PHF24: variants seen among roughly 807,000 people sequenced by gnomAD.
PHF24 encodes Galpha inhibitory interacting protein.
A neutral mutation model predicts 42.6 loss-of-function variants in PHF24; 25 were observed. That is an observed-to-expected ratio of 0.59 (90% confidence interval 0.43 to 0.82). The LOEUF is 0.82. PHF24 is among the 40% of genes least tolerant of loss of function. The pLI is 0.00. For missense variants in PHF24, 470 were observed against 538.1 expected, an observed-to-expected ratio of 0.87 and a Z score of 1.25; for synonymous variants, 185 against 204.8, an observed-to-expected ratio of 0.90 and a Z score of 0.83.
At chr9:34,810,045 G>C in the PHF24 span, among the ~76,000 whole-genome samples, 3 of 151,468 alleles carry the variant, frequency 2.0e-5, no homozygotes, top group South Asian at 2.1e-4. Flanking sequence ...GCCTCAACTC[G>C]GCAGCTCAGC....
At chr9:34,910,658 A>G in the PHF24 span, among the ~76,000 whole-genome samples, 1 of 152,216 alleles carries the variant, frequency 6.6e-6, no homozygotes, top group Non-Finnish European at 1.5e-5. Flanking sequence ...TGAACACTTA[A>G]AAGTGTATTT....
the PHF24 span, among the ~76,000 whole-genome samples, chr9:34,789,236 C>T: frequency 1.3e-5 from 2 of 152,176 alleles, no homozygotes; most frequent in Admixed American, 6.5e-5. Context: ...GCAGAACTCT[C>T]GGGGCTGCTG....
the PHF24 span, among the ~76,000 whole-genome samples, chr9:34,785,139 G>C: frequency 6.6e-6 from 1 of 152,194 alleles, no homozygotes; most frequent in Non-Finnish European, 1.5e-5. Context: ...GGTGCTGGCA[G>C]GTTTGGTGTC....
At chr9:34,820,346 T>C in the PHF24 span, among the ~76,000 whole-genome samples, 1 of 152,052 alleles carries the variant, frequency 6.6e-6, no homozygotes, top group Non-Finnish European at 1.5e-5. Context: ...GTAATAAACG[T>C]AGTACTGATA....
chr9:34,690,086 G>C, the PHF24 span: 2 of 1,592,400 alleles, frequency 1.3e-6, no homozygotes, highest in Non-Finnish European at 8.6e-7. Flanking sequence ...ACCATGTCTG[G>C]GAACCTGTTT....
chr9:34,935,352 G>A, the PHF24 span, among the ~76,000 whole-genome samples: 1 of 152,214 alleles, frequency 6.6e-6, no homozygotes, highest in Non-Finnish European at 1.5e-5. Flanking sequence ...CCAGCACTCT[G>A]GGAGGCTGAG....
At chr9:34,764,012 G>C in the PHF24 span, among the ~76,000 whole-genome samples, 5 of 151,834 alleles carry the variant, frequency 3.3e-5, no homozygotes, top group Non-Finnish European at 5.9e-5. Context: ...ATTGATTTGC[G>C]TATATTGAAC....
chr9:34,728,673 T>G, the PHF24 span: 2 of 1,551,170 alleles, frequency 1.3e-6, no homozygotes, highest in Non-Finnish European at 1.7e-6. Context: ...ACAAAAACAT[T>G]AGAATGTGAA....
the PHF24 span, among the ~76,000 whole-genome samples, chr9:34,851,565 A>G: frequency 6.6e-6 from 1 of 152,198 alleles, no homozygotes; most frequent in African/African-American, 2.4e-5. Context: ...GAGTGAGGCA[A>G]TGCCTCGCCC....
chr9:34,907,655 A>G, the PHF24 span, among the ~76,000 whole-genome samples: 248 of 152,144 alleles, frequency 1.6e-3, 1 homozygote, highest in Non-Finnish European at 3.0e-3. Context: ...GTGCTTCAAA[A>G]TGCCATCTTT....
At chr9:34,858,800 A>G in the PHF24 span, among the ~76,000 whole-genome samples, 1 of 152,150 alleles carries the variant, frequency 6.6e-6, no homozygotes, top group Non-Finnish European at 1.5e-5. Flanking sequence ...TTTTTAAAGG[A>G]TAGTTTCTAT....
At chr9:34,850,876 T>C in the PHF24 span, among the ~76,000 whole-genome samples, 1 of 152,340 alleles carries the variant, frequency 6.6e-6, no homozygotes, top group African/African-American at 2.4e-5. Flanking sequence ...CAGACCCTGT[T>C]TGCCTGGGTA....
the PHF24 span, among the ~76,000 whole-genome samples, chr9:34,904,537 C>A: frequency 5.9e-5 from 9 of 151,798 alleles, no homozygotes; most frequent in African/African-American, 2.2e-4. Context: ...TATTGACTTG[C>A]ATATGTTAAA....
chr9:34,898,430 A>G, the PHF24 span, among the ~76,000 whole-genome samples: 1 of 152,172 alleles, frequency 6.6e-6, no homozygotes, highest in Non-Finnish European at 1.5e-5. Context: ...TTTTTCTTAA[A>G]TGTCCTTCTT....
the PHF24 span, among the ~76,000 whole-genome samples, chr9:34,818,139 C>G: frequency 6.6e-6 from 1 of 152,170 alleles, no homozygotes; most frequent in Non-Finnish European, 1.5e-5. Flanking sequence ...AATAGGGGCA[C>G]TATTTGTTCC....
At chr9:34,835,824 A>G in the PHF24 span, 3 of 1,455,400 alleles carry the variant, frequency 2.1e-6, no homozygotes, top group Non-Finnish European at 2.8e-6. Context: ...GCTCTCTGAT[A>G]TTTCTGGAAT....
chr9:34,886,834 G>GTATGTATC, the PHF24 span, among the ~76,000 whole-genome samples: 2 of 148,694 alleles, frequency 1.3e-5, no homozygotes, highest in African/African-American at 5.0e-5. Context: ...ATGTATCTAT[G>GTATGTATC]TATCTATCTA....
chr9:34,949,744 C>T, the PHF24 span, among the ~76,000 whole-genome samples: 3 of 151,922 alleles, frequency 2.0e-5, no homozygotes, highest in Admixed American at 6.6e-5. Context: ...CAAACTAACA[C>T]AGGAACAGAA....
At chr9:34,871,235 A>T in the PHF24 span, among the ~76,000 whole-genome samples, 1 of 152,218 alleles carries the variant, frequency 6.6e-6, no homozygotes, top group Non-Finnish European at 1.5e-5. Flanking sequence ...TGCCATCTGT[A>T]TACCTTCTTT....
Sources: gnomAD v4.1 joint callset for allele counts (sites outside exome capture counted in the v4.1 genomes callset) on GRCh38, gnomAD v4.1.1 for gene constraint, MANE v1.5 for transcripts, NCBI Gene and HGNC (gene_info 2026-07-23, HGNC 2026-07-21) for gene names.